PPP2R2C: variants seen among roughly 807,000 people sequenced by gnomAD.
PPP2R2C encodes the protein protein phosphatase 2, regulatory subunit B, gamma.
Under a neutral mutation model 45.3 loss-of-function variants are expected in PPP2R2C, and 10 were observed. That is an observed-to-expected ratio of 0.22 (90% CI 0.14 to 0.37). The LOEUF (loss-of-function observed/expected upper bound fraction) is 0.37. Ranked by LOEUF, PPP2R2C falls within the 10% of genes least tolerant of loss-of-function variation. The pLI, the probability that PPP2R2C is intolerant of heterozygous loss-of-function variation, is 1.00. For synonymous variants in PPP2R2C, 257 were observed against 245.4 expected (o/e 1.05, Z -0.44); for missense variants, 308 against 619.7 (o/e 0.50, Z 5.34).
rs186443231 is a variant in PPP2R2C, at chr4:6,519,252, C to T, written c.49+16019G>A. On this transcript the variant is annotated intron_variant, in intron 2 of 9. Coordinates refer to the PPP2R2C transcript ENST00000506140. ...TAGGAGCCTTAGGTTACAGGGCTTG[C>T]CTAGTGCTGGAGTCATATGAGAGCC... Among the ~76,000 whole-genome samples, 10 of 152,266 alleles carry T rather than the reference C, an allele frequency of 6.6e-5. No individual in the cohort carries two copies. In the East Asian group the frequency reaches 1.9e-3, roughly 29 times the overall value.
At chr4:6,392,622 C>T (rs962483125) in intron 1 of PPP2R2C, among the ~76,000 whole-genome samples, 9 of 152,082 alleles carry the variant, frequency 5.9e-5, no homozygotes, top group African/African-American at 9.7e-5. Context: ...GGCCAGTGTG[C>T]GTGTGAGAGG....
At chr4:6,449,639 G>C (rs113241565) in intron 1 of PPP2R2C, among the ~76,000 whole-genome samples, 2 of 152,224 alleles carry the variant, frequency 1.3e-5, no homozygotes, top group African/African-American at 4.8e-5. Context: ...ATATTCAGCA[G>C]GAAAACAAAT....
chr4:6,431,078 G>A (rs1200484248), intron 1 of PPP2R2C, among the ~76,000 whole-genome samples: 1 of 152,194 alleles, frequency 6.6e-6, no homozygotes, highest in African/African-American at 2.4e-5. Context: ...GGGAGATTCT[G>A]GATGACAGAG....
intron 1 of PPP2R2C, among the ~76,000 whole-genome samples, chr4:6,439,090 G>C (rs1720026276): frequency 6.6e-6 from 1 of 152,200 alleles, no homozygotes; most frequent in African/African-American, 2.4e-5. Flanking sequence ...GAATAGGCAA[G>C]AATGAAATAT....
chr4:6,466,335 A>G (rs761731738), intron 1 of PPP2R2C, among the ~76,000 whole-genome samples: 4 of 152,212 alleles, frequency 2.6e-5, no homozygotes, highest in Non-Finnish European at 5.9e-5. Flanking sequence ...AAATTTCAAG[A>G]TAGTAACAGC....
At chr4:6,490,032 G>A (rs988916477) in intron 2 of PPP2R2C, among the ~76,000 whole-genome samples, 3 of 152,146 alleles carry the variant, frequency 2.0e-5, no homozygotes, top group East Asian at 1.9e-4. Context: ...AATGACCTCC[G>A]CCTGCACATT....
rs1259821223 is a variant in PPP2R2C, at chr4:6,414,078, G to A, written c.71-32984C>T. 43 of 190,268 alleles carry A rather than the reference G, an allele frequency of 2.3e-4. 1 individual carries two copies. Among genetic ancestry groups the A allele is most frequent in the South Asian group, 9.7e-4 (10 of 10,356 alleles). 11.8% of individuals were successfully genotyped at this position (190,268 alleles called of 1,614,324 possible). Reference sequence around the variant, plus strand: ...AGTAACATAAGTTTTGCCTGTGTATGTGTGTGTGTGTGTGTGTGTGTGTGT... The same window carrying A: ...AGTAACATAAGTTTTGCCTGTGTATATGTGTGTGTGTGTGTGTGTGTGTGT... On this transcript the variant is annotated intron_variant, in intron 1 of 8. Transcript: ENST00000382599.
In PPP2R2C at chr4:6,329,384, G is replaced by T; in HGVS notation, c.961-31C>A. Reference sequence around the variant, plus strand: ...GGGATAAGGGATGAGGTGAGTGGACGGGGCGTCCCGACCATCCTGGCCCTT... The same window carrying T: ...GGGATAAGGGATGAGGTGAGTGGACTGGGCGTCCCGACCATCCTGGCCCTT... On this transcript the variant is annotated intron_variant, in intron 7 of 8. Transcript: ENST00000382599. The surrounding 1 kb of genome is among the most constrained non-coding windows in gnomAD (Gnocchi z 5.8). 1 of 1,582,188 alleles carries T rather than the reference G, an allele frequency of 6.3e-7. No homozygotes were observed. The highest frequency in any genetic ancestry group is 1.1e-5 in the South Asian group (1 of 90,222).
At chr4:6,512,634 GAT>G (rs1225916882) in intron 2 of PPP2R2C, among the ~76,000 whole-genome samples, 1 of 110,308 alleles carries the variant, frequency 9.1e-6, no homozygotes, top group African/African-American at 3.1e-5. Context: ...TGGTGATGGT[GAT>G]GGTGGTGATG....
intron 1 of PPP2R2C, among the ~76,000 whole-genome samples, chr4:6,407,333 G>C (rs1481000321): frequency 6.6e-6 from 1 of 152,228 alleles, no homozygotes; most frequent in African/African-American, 2.4e-5. Context: ...AGGATGAATG[G>C]ACTAATCCTC....
intron 1 of PPP2R2C, among the ~76,000 whole-genome samples, chr4:6,467,330 A>G (rs926485251): frequency 6.6e-6 from 1 of 152,086 alleles, no homozygotes; most frequent in Non-Finnish European, 1.5e-5. Flanking sequence ...TCTAAGGGCT[A>G]GTCTAACTCT....
chr4:6,465,063 G>A (rs1026521541), intron 1 of PPP2R2C, among the ~76,000 whole-genome samples: 26 of 152,264 alleles, frequency 1.7e-4, no homozygotes, highest in African/African-American at 6.0e-4. Flanking sequence ...GTGTGACTTG[G>A]GGGCGGGGCC....
intron 5 of PPP2R2C, among the ~76,000 whole-genome samples, chr4:6,366,139 T>G (rs1714282886): frequency 6.6e-6 from 1 of 152,220 alleles, no homozygotes; most frequent in African/African-American, 2.4e-5. Flanking sequence ...TAAACCATCC[T>G]CTTGCTGGGC....
chr4:6,557,945 C>T (rs1482992235), intron 1 of PPP2R2C, among the ~76,000 whole-genome samples: 6 of 152,256 alleles, frequency 3.9e-5, no homozygotes, highest in Admixed American at 6.5e-5. Flanking sequence ...GCAAACCCTC[C>T]CCAGCCCCAC....
Position 6,348,023 on chromosome 4 carries a change from C to A in PPP2R2C, c.626-13G>T. The stretch of plus-strand genomic sequence containing the variant: ...ATGTCCACGATGTCTGGGGGCAGTG[C>A]GGTCAAGGAAGGGGCAGTGAAGGGC... On this transcript the variant is annotated splice_polypyrimidine_tract_variant and intron_variant, in intron 5 of 8. Coordinates refer to ENST00000382599, the MANE Select transcript of PPP2R2C (RefSeq NM_020416.4). 2 of 1,612,328 alleles carry A rather than the reference C, an allele frequency of 1.2e-6. No homozygotes were observed. The highest frequency in any genetic ancestry group is 1.7e-6 in the Non-Finnish European group (2 of 1,178,860).
intron 1 of PPP2R2C, chr4:6,384,876 G>A (rs1289763083): frequency 1.0e-6 from 1 of 983,746 alleles, no homozygotes; most frequent in Non-Finnish European, 1.2e-6. Context: ...GCTGGTTGGA[G>A]TCTTGGCTCC....
chr4:6,338,933 A>C (rs1357723342), intron 6 of PPP2R2C, among the ~76,000 whole-genome samples: 2 of 152,166 alleles, frequency 1.3e-5, no homozygotes, highest in African/African-American at 4.8e-5. Flanking sequence ...GCACGATGGG[A>C]TCTTCAGAGG....
intron 2 of PPP2R2C, among the ~76,000 whole-genome samples, chr4:6,503,240 A>G (rs962076017): frequency 6.6e-6 from 1 of 151,172 alleles, no homozygotes; most frequent in Non-Finnish European, 1.5e-5. Flanking sequence ...AGCCCACCCC[A>G]CTCCAGCCAC....
intron 1 of PPP2R2C, among the ~76,000 whole-genome samples, chr4:6,438,327 C>A (rs1719990148): frequency 1.3e-5 from 2 of 152,206 alleles, no homozygotes; most frequent in Admixed American, 1.3e-4. Flanking sequence ...GAGGAAGCAA[C>A]TGAATGCAAA....
Sources: gnomAD v4.1 joint callset for allele counts (sites outside exome capture counted in the v4.1 genomes callset) on GRCh38, gnomAD v4.1.1 for gene constraint, Gnocchi (gnomAD v3.1) non-coding constraint, MANE v1.5 for transcripts, NCBI Gene and HGNC (gene_info 2026-07-23, HGNC 2026-07-21) for gene names.